SYT16: variants seen among roughly 807,000 people sequenced by gnomAD.
The protein encoded by SYT16 is synaptotagmin 16.
A neutral mutation model predicts 61.4 loss-of-function variants in SYT16; 42 were observed. The observed-to-expected ratio is 0.68, with a 90% CI of 0.53 to 0.89. The LOEUF (loss-of-function observed/expected upper bound fraction) is 0.89. Ranked by LOEUF, SYT16 falls within the 40% of genes least tolerant of loss-of-function variation. The pLI, the probability that SYT16 is intolerant of heterozygous loss-of-function variation, is 0.00. For synonymous variants in SYT16, 314 were observed against 302.3 expected (o/e 1.04, Z -0.40); for missense variants, 804 against 807.3 (o/e 1.00, Z 0.05).
At chr14:62,058,340 CTTTTTTTTTT>C (rs796187620) in intron 3 of SYT16, among the ~76,000 whole-genome samples, 1 of 109,028 alleles carries the variant, frequency 9.2e-6, no homozygotes, top group African/African-American at 3.5e-5. Context: ...TGTTTAAATT[CTTTTTTTTTT>C]TTTTTTTTTT....
chr14:61,865,968 T>C (rs1440420562), intron 1 of SYT16, among the ~76,000 whole-genome samples: 1 of 152,218 alleles, frequency 6.6e-6, no homozygotes, highest in Non-Finnish European at 1.5e-5. Flanking sequence ...TACTGTTTAC[T>C]TAAGAAATTA....
At chr14:61,824,361 A>G (rs1008985928) in intron 1 of SYT16, among the ~76,000 whole-genome samples, 18 of 151,866 alleles carry the variant, frequency 1.2e-4, no homozygotes, top group African/African-American at 4.1e-4. Flanking sequence ...TTATTTATTT[A>G]TTTATTTTTG....
At chr14:61,988,523 T>A (rs1182991597) in intron 2 of SYT16, among the ~76,000 whole-genome samples, 2 of 152,246 alleles carry the variant, frequency 1.3e-5, no homozygotes, top group Non-Finnish European at 2.9e-5. Flanking sequence ...TGCTATAATG[T>A]TATAAACCTT....
intron 3 of SYT16, among the ~76,000 whole-genome samples, chr14:62,034,396 G>A (rs2054424946): frequency 3.3e-5 from 5 of 152,082 alleles, no homozygotes; most frequent in African/African-American, 1.2e-4. Context: ...ACAAAATCCT[G>A]TACATGAATA....
chr14:61,856,243 C>G (rs1181098604), intron 1 of SYT16, among the ~76,000 whole-genome samples: 1 of 152,142 alleles, frequency 6.6e-6, no homozygotes, highest in Non-Finnish European at 1.5e-5. Flanking sequence ...TACATCTCAA[C>G]AGGATTGCTC....
intron 3 of SYT16, 22 bp from the exon 4 acceptor site, chr14:62,069,581 C>T (rs2056209669): frequency 6.2e-7 from 1 of 1,608,728 alleles, no homozygotes; most frequent in Non-Finnish European, 8.5e-7. Flanking sequence ...ACAGGAGACT[C>T]ATGGCTCTTG....
In SYT16 at chr14:62,105,469, A is replaced by G. The variant is rs1039035598; in HGVS notation, c.*4762A>G. ...TCCTGATAGCCAAACATTTTAAAATACTCTAATAACACAGCTCTCAAAACG... is the reference window on the plus strand; with the variant it reads ...TCCTGATAGCCAAACATTTTAAAATGCTCTAATAACACAGCTCTCAAAACG... On this transcript the variant is annotated 3_prime_UTR_variant, in exon 8 of 8. Coordinates refer to ENST00000683842, the MANE Select transcript of SYT16 (RefSeq NM_001367656.1). The G allele has an allele frequency of 2.0e-5, 3 of 152,176 alleles. No homozygotes were observed. The highest frequency in any genetic ancestry group is 7.2e-5 in the African/African-American group (3 of 41,444). The allele number at this position is 152,176 out of a possible 1,614,324, so 9.4% of individuals were successfully genotyped here.
chr14:62,031,214 G>T (rs953105438), intron 3 of SYT16, among the ~76,000 whole-genome samples: 1 of 152,184 alleles, frequency 6.6e-6, no homozygotes, highest in Non-Finnish European at 1.5e-5. Flanking sequence ...CTCCCTATAT[G>T]AAACACAACC....
intron 1 of SYT16, among the ~76,000 whole-genome samples, chr14:61,856,610 G>T (rs2046783802): frequency 6.6e-6 from 1 of 152,116 alleles, no homozygotes; most frequent in Non-Finnish European, 1.5e-5. Context: ...GGTTGGGGAT[G>T]AGTGGAGATC....
At chr14:61,934,278 T>A (rs1266104380) in intron 1 of SYT16, among the ~76,000 whole-genome samples, 1 of 152,224 alleles carries the variant, frequency 6.6e-6, no homozygotes, top group Non-Finnish European at 1.5e-5. Flanking sequence ...CTGCTTACAT[T>A]TTTTTGTACC....
chr14:61,891,015 G>T (rs917086180), intron 1 of SYT16, among the ~76,000 whole-genome samples: 3 of 152,184 alleles, frequency 2.0e-5, no homozygotes, highest in Non-Finnish European at 4.4e-5. Context: ...TCAGTTACAA[G>T]AAAGGAGGTG....
chr14:62,083,534 G>T (rs2056782054), intron 6 of SYT16, among the ~76,000 whole-genome samples: 1 of 152,192 alleles, frequency 6.6e-6, no homozygotes. Context: ...GTTCTCCTGG[G>T]CTCACTTGGT....
intron 2 of SYT16, among the ~76,000 whole-genome samples, chr14:61,994,115 A>C (rs2052668971): frequency 6.6e-6 from 1 of 152,180 alleles, no homozygotes; most frequent in Non-Finnish European, 1.5e-5. Context: ...TGTACAAAAT[A>C]TGATGAAAGA....
intron 3 of SYT16, among the ~76,000 whole-genome samples, chr14:62,011,942 T>G (rs2053482961): frequency 6.9e-6 from 1 of 144,610 alleles, no homozygotes; most frequent in African/African-American, 2.8e-5. Flanking sequence ...TATATATATA[T>G]TTGATGCTGT....
At chr14:61,905,457 T>A (rs1386891698) in intron 1 of SYT16, among the ~76,000 whole-genome samples, 1 of 152,250 alleles carries the variant, frequency 6.6e-6, no homozygotes, top group Non-Finnish European at 1.5e-5. Context: ...AGTGGCTGTC[T>A]AGGTAGGAAC....
At chr14:61,820,985 A>C (rs1461726815) in intron 1 of SYT16, among the ~76,000 whole-genome samples, 1 of 152,046 alleles carries the variant, frequency 6.6e-6, no homozygotes, top group Non-Finnish European at 1.5e-5. Context: ...CCATGTTGAC[A>C]TTCCCTGTCT....
intron 3 of SYT16, among the ~76,000 whole-genome samples, chr14:62,027,389 C>A (rs951454407): frequency 2.0e-5 from 3 of 152,142 alleles, no homozygotes; most frequent in African/African-American, 4.8e-5. Flanking sequence ...GGAGAGGAAC[C>A]TCAGTTTCTG....
intron 3 of SYT16, among the ~76,000 whole-genome samples, chr14:62,015,974 TC>T (rs2053657240): frequency 1.3e-5 from 2 of 152,262 alleles, no homozygotes; most frequent in East Asian, 3.9e-4. Context: ...TATGAGTCCT[TC>T]CCCCAGGATA....
At chr14:61,903,431 T>G (rs2048592304) in intron 1 of SYT16, among the ~76,000 whole-genome samples, 1 of 152,216 alleles carries the variant, frequency 6.6e-6, no homozygotes, top group Non-Finnish European at 1.5e-5. Context: ...GTATGTTAAA[T>G]GTCTGTCTCC....
Sources: allele counts gnomAD v4.1 joint callset (sites outside exome capture counted in the v4.1 genomes callset), GRCh38; gene constraint gnomAD v4.1.1; transcripts MANE v1.5; gene names NCBI Gene and HGNC (gene_info 2026-07-23, HGNC 2026-07-21).